The following ZNF653 variants were observed in gnomAD, a reference collection of about 807,000 sequenced individuals.
The protein encoded by ZNF653 is zinc finger protein 653, also known as 67 kDa zinc finger protein.
A neutral mutation model predicts 59.9 loss-of-function variants in ZNF653; 37 were observed. The ratio of observed to expected loss-of-function variants is 0.62; its 90% confidence interval spans 0.48 to 0.81. The LOEUF is 0.81. ZNF653 is among the 40% of genes least tolerant of loss of function. The pLI is 0.00. For missense variants in ZNF653, 808 were observed against 881.1 expected (o/e 0.92, Z 1.05); for synonymous variants, 435 against 371.8 (o/e 1.17, Z -1.96).
Position 11,483,729 on chromosome 19 carries a change from C to T in ZNF653, c.1801G>A (p.Val601Ile), listed in dbSNP as rs374332751. ...CGKRFEKLDS[V>I]KFHTLKSHPD... ...TGGCTTTTGAGCGTGTGGAACTTGA[C>T]GCTGTCCAGCTTCTCGAAGCGCTTC... The change falls in exon 9 of 9, where the codon GTC becomes ATC. Residue 601 changes from valine to isoleucine, a missense_variant. Physicochemically the swap from Val to Ile is conservative, Grantham distance 29. Transcript: ENST00000293771. 3.1e-6 allele frequency: 5 copies of T among 1,613,716 alleles called. No individual in the cohort carries two copies. The highest frequency in any genetic ancestry group is 3.4e-6 in the Non-Finnish European group (4 of 1,179,670).
intron 6 of ZNF653, 136 bp from the exon 7 acceptor site, chr19:11,485,906 A>G: frequency 1.5e-6 from 1 of 670,862 alleles, no homozygotes; most frequent in Non-Finnish European, 2.7e-6. Context: ...ACCCTTGCCC[A>G]GCTCAGAGAT....
chr19:11,499,739 C>G (rs1971625085), intron 1 of ZNF653, among the ~76,000 whole-genome samples: 1 of 151,876 alleles, frequency 6.6e-6, no homozygotes, highest in African/African-American at 2.4e-5. Context: ...CAGTGAAACC[C>G]CATCTCCACA....
At chr19:11,502,815 C>T (rs530336950) in intron 1 of ZNF653, among the ~76,000 whole-genome samples, 2 of 152,294 alleles carry the variant, frequency 1.3e-5, no homozygotes, top group South Asian at 2.1e-4. Flanking sequence ...AGGCAGACCT[C>T]TTGAGGTCAG....
chr19:11,493,747 G>A (rs552386036), intron 3 of ZNF653, among the ~76,000 whole-genome samples: 16 of 152,324 alleles, frequency 1.1e-4, no homozygotes, highest in South Asian at 1.0e-3. Context: ...GGCAAGGCCC[G>A]GTGGCATATG....
chr19:11,492,027 T>C (rs1449540379), intron 3 of ZNF653, among the ~76,000 whole-genome samples: 3 of 152,036 alleles, frequency 2.0e-5, no homozygotes. Flanking sequence ...CCAAAGCACA[T>C]ACCACCTTAC....
intron 1 of ZNF653, among the ~76,000 whole-genome samples, chr19:11,502,253 G>A (rs536900907): frequency 6.6e-6 from 1 of 151,850 alleles, no homozygotes; most frequent in South Asian, 2.1e-4. Flanking sequence ...CACCATGCCC[G>A]GCTAATTTTT....
intron 6 of ZNF653, 135 bp downstream of exon 6, chr19:11,486,617 ATGCCAGGTCCTGGGGTG>A (rs1971468099): frequency 1.5e-6 from 1 of 650,672 alleles, no homozygotes; most frequent in Non-Finnish European, 2.6e-6. Flanking sequence ...GCATCCTCCC[ATGCCAGGTCCTGGGGTG>A]TGACAAGTCC....
rs765493545 is a variant in ZNF653, at chr19:11,505,821, T to G, written c.-35A>C. 43 of 1,319,680 alleles carry G rather than the reference T, an allele frequency of 3.3e-5. No homozygotes were observed. In the South Asian group the frequency reaches 7.0e-4, roughly 22 times the overall value. 81.7% of individuals were successfully genotyped at this position (1,319,680 alleles called of 1,614,324 possible). On this transcript the variant is annotated 5_prime_UTR_variant, in exon 1 of 9. Transcript: ENST00000293771. The stretch of plus-strand genomic sequence containing the variant: ...CCTGGTTACCAGCCTCCCCCGTTGT[T>G]AGGAGCCAGACCGGAAGTGGCGCGC...
intron 7 of ZNF653, among the ~76,000 whole-genome samples, chr19:11,484,416 T>A (rs961749017): frequency 3.3e-5 from 5 of 152,106 alleles, no homozygotes; most frequent in Admixed American, 3.3e-4. Context: ...ATATATATAT[T>A]TTGCGACGGA....
intron 8 of ZNF653, 84 bp downstream of exon 8, chr19:11,483,958 G>C (rs986877000): frequency 2.0e-6 from 3 of 1,524,436 alleles, no homozygotes; most frequent in Non-Finnish European, 2.6e-6. Context: ...CCCAGACACT[G>C]CGTTGGGGCG....
In ZNF653 at chr19:11,487,870, G is replaced by A. The variant is rs1320944941; in HGVS notation, c.593C>T (p.Ser198Leu). The A allele has an allele frequency of 5.0e-6, 8 of 1,600,126 alleles. No homozygotes were observed. The highest frequency in any genetic ancestry group is 6.8e-6 in the Non-Finnish European group (8 of 1,171,186). ...GNGLVAGSSD[S>L]SSSGSASDSE... ...GTCAGAGGCAGAGCCAGAGCTGGAT[G>A]AGTCAGAGCTGCCAGCCACCAGCCC... The change falls in exon 4 of 9, where the codon TCA (serine) becomes TTA (leucine). Residue 198 changes from serine to leucine, a missense_variant. By Grantham distance (145) the Ser-to-Leu change is moderately radical (BLOSUM62 -2). Coordinates refer to ENST00000293771, the MANE Select transcript of ZNF653 (RefSeq NM_138783.4). The surrounding 1 kb of genome is among the most constrained non-coding windows in gnomAD (Gnocchi z 5.1).
In ZNF653 at chr19:11,505,746, G is replaced by T; in HGVS notation, c.41C>A (p.Ala14Asp). 7.0e-7 allele frequency: 1 copy of T among 1,428,646 alleles called. No homozygotes were observed. Among genetic ancestry groups the T allele is most frequent in the Non-Finnish European group, 9.1e-7 (1 of 1,101,096 alleles). The allele number at this position is 1,428,646 out of a possible 1,614,324, so 88.5% of individuals were successfully genotyped here. The change falls in exon 1 of 9, where the codon GCT becomes GAT. Residue 14 changes from alanine to aspartate, a missense_variant. By Grantham distance (126) the Ala-to-Asp change is moderately radical (BLOSUM62 -2). Transcript: ENST00000293771. ...RALEPEAEAE[A>D]EAGAGGEAAA... is the part of the protein sequence containing the mutation. The stretch of plus-strand genomic sequence containing the variant: ...TGCCTCCCCGCCCGCGCCCGCCTCA[G>T]CCTCCGCCTCCGCCTCGGGCTCTAG...
At chr19:11,502,153 G>T (rs377228504) in intron 1 of ZNF653, among the ~76,000 whole-genome samples, 1 of 149,286 alleles carries the variant, frequency 6.7e-6, no homozygotes, top group Non-Finnish European at 1.5e-5. Context: ...GTACAGTGGC[G>T]CGATCTCGGC....
intron 6 of ZNF653, among the ~76,000 whole-genome samples, chr19:11,486,176 G>T (rs1022209917): frequency 6.6e-6 from 1 of 152,228 alleles, no homozygotes; most frequent in East Asian, 1.9e-4. Flanking sequence ...AACCAGGATG[G>T]TCTCGATCTC....
At chr19:11,499,839 G>A (rs1971626014) in intron 1 of ZNF653, among the ~76,000 whole-genome samples, 1 of 152,014 alleles carries the variant, frequency 6.6e-6, no homozygotes, top group African/African-American at 2.4e-5. Context: ...CTGAGCCTGG[G>A]GAGGTCAAGG....
intron 1 of ZNF653, chr19:11,504,396 G>A: frequency 2.3e-6 from 1 of 431,360 alleles, no homozygotes; most frequent in African/African-American, 2.1e-5. Flanking sequence ...GCAAGACTCT[G>A]TCTCAAAAAA....
Position 11,485,722 on chromosome 19 carries a change from G to A in ZNF653, c.1504C>T (p.His502Tyr). The change falls in exon 7 of 9, where the codon CAT becomes TAT. Residue 502 changes from histidine (H) to tyrosine (Y), a missense_variant. Transcript: ENST00000293771. The stretch of plus-strand genomic sequence containing the variant: ...TAGAACTTCTTGCCACAGCCAGGAT[G>A]AGGGCACACTTTGGTCTTTCCTTTC... ...HRKGKTKVCPHPGCGKKFYLS... is the reference protein window; with the variant it reads ...HRKGKTKVCPYPGCGKKFYLS... 1.2e-6 allele frequency: 2 copies of A among 1,614,074 alleles called. No homozygotes were observed. Among genetic ancestry groups the A allele is most frequent in the Non-Finnish European group, 1.7e-6 (2 of 1,179,988 alleles).
intron 1 of ZNF653, 85 bp downstream of exon 1, chr19:11,505,403 C>T: frequency 7.6e-7 from 1 of 1,311,980 alleles, no homozygotes; most frequent in South Asian, 1.8e-5. Context: ...CGGGGGCTGG[C>T]CCTAGAAGCG....
At chr19:11,488,446 C>T (rs571564571) in intron 3 of ZNF653, among the ~76,000 whole-genome samples, 12 of 150,448 alleles carry the variant, frequency 8.0e-5, no homozygotes, top group Admixed American at 1.3e-4. Flanking sequence ...GGCCCACACC[C>T]GGCTAATTTT....
Sources: gnomAD v4.1 joint callset for allele counts (sites outside exome capture counted in the v4.1 genomes callset) on GRCh38, gnomAD v4.1.1 for gene constraint, Gnocchi (gnomAD v3.1) non-coding constraint, MANE v1.5 for transcripts, NCBI Gene and HGNC (gene_info 2026-07-23, HGNC 2026-07-21) for gene names.